PHLDB1: variants seen among roughly 807,000 people sequenced by gnomAD.
The protein encoded by PHLDB1 is pleckstrin homology-like domain family B member 1.
PHLDB1 carries 65 observed loss-of-function variants against 139.3 expected under a neutral mutation model. The ratio of observed to expected loss-of-function variants is 0.47; its 90% CI spans 0.38 to 0.57. The LOEUF (loss-of-function observed/expected upper bound fraction) is 0.57. Among genes scored for constraint, PHLDB1 ranks in the 20% least tolerant of loss-of-function variants. The pLI is 0.00. For synonymous variants in PHLDB1, 679 were observed against 734.5 expected (o/e 0.92, Z 1.22); for missense variants, 1,624 against 1,839.7 (o/e 0.88, Z 2.14).
At chr11:118,617,535 G>A (rs1220831188) in intron 4 of PHLDB1, among the ~76,000 whole-genome samples, 3 of 151,842 alleles carry the variant, frequency 2.0e-5, no homozygotes, top group South Asian at 2.1e-4. Context: ...GCATGATCTC[G>A]GCTCACTACA....
chr11:118,649,324 C>G (rs1948025040), intron 18 of PHLDB1, among the ~76,000 whole-genome samples: 1 of 151,952 alleles, frequency 6.6e-6, no homozygotes, highest in Non-Finnish European at 1.5e-5. Context: ...AATTTTACCC[C>G]CGTGGTTGGA....
In PHLDB1 at chr11:118,628,133, C is replaced by G; in HGVS notation, c.1310C>G (p.Thr437Ser). 6.2e-7 allele frequency: 1 copy of G among 1,614,094 alleles called. No individual in the cohort carries two copies. The highest frequency in any genetic ancestry group is 8.5e-7 in the Non-Finnish European group (1 of 1,180,006). ...TTTTCAGATGGGTTAGCCACCCGTA[C>G]CCTGCAGCCTCCTGAGAGTCCCCGC... The part of the protein sequence containing the change: ...RTFSDGLATR[T>S]LQPPESPRLG... Residue 437 changes from threonine (T) to serine (S), a missense_variant, in exon 6 of 23, where the codon ACC becomes AGC. By Grantham distance (58) the Thr-to-Ser change is moderately conservative. Transcript: ENST00000600882.
chr11:118,631,432 GA>G lies in PHLDB1; in HGVS notation c.2057del (p.Asn686IlefsTer29). On this transcript the variant is annotated frameshift_variant, in exon 7 of 23. Coordinates refer to ENST00000600882, the MANE Select transcript of PHLDB1 (RefSeq NM_001144758.3). LOFTEE classifies it high-confidence loss of function. Reference protein sequence around the residue: ...LWESMERSDEENLKEECSSTE... With the variant: ...LWESMERSDEXNLKEECSSTE... ...GGAGAGTATGGAGCGCTCAGATGAG[GA>G]AAATCTCAAGGAGGAGTGCAGCAGC... The G allele has an allele frequency of 1.4e-6, 2 of 1,448,310 alleles. No individual in the cohort carries two copies. Among genetic ancestry groups the G allele is most frequent in the Non-Finnish European group, 1.8e-6 (2 of 1,100,124 alleles). 89.7% of individuals were successfully genotyped at this position (1,448,310 alleles called of 1,614,324 possible).
rs932448446 is a variant in PHLDB1 at position 118,611,163 on chromosome 11, C to T, written c.-21-2653C>T. On this transcript the variant is annotated intron_variant, in intron 1 of 22. Coordinates refer to ENST00000600882, the MANE Select transcript of PHLDB1 (RefSeq NM_001144758.3). The surrounding 1 kb of genome is among the most constrained non-coding windows in gnomAD (Gnocchi z 4.7). ...AGGTGAGGGCGCCCCCAGGTGGCCG[C>T]TCTCGGCCGCGGCGATCGCCCTTTG... 6.6e-6 allele frequency among the ~76,000 whole-genome samples: 1 copy of T among 152,228 alleles called. No homozygotes were observed. Among genetic ancestry groups the T allele is most frequent in the African/African-American group, 2.4e-5 (1 of 41,468 alleles).
intron 17 of PHLDB1, chr11:118,647,161 A>G (rs1213394393): frequency 1.3e-5 from 2 of 152,170 alleles, no homozygotes; most frequent in Admixed American, 6.5e-5. Flanking sequence ...TCAATAGCAA[A>G]TGTTTCTAAT....
chr11:118,627,736 G>A lies in PHLDB1; in HGVS notation c.913G>A (p.Gly305Ser). The stretch of plus-strand genomic sequence containing the variant: ...ACAGCCCCCACAGTCCCGCCCAAGT[G>A]GTGCTCGCTCCGAGAGTCCTCGGCT... ...ALQPPQSRPS[G>S]ARSESPRLSR... The change falls in exon 6 of 23, where the codon GGT becomes AGT. Residue 305 changes from glycine to serine, a missense_variant. Gly to Ser is a moderately conservative substitution (Grantham distance 56, BLOSUM62 0). Coordinates refer to ENST00000600882, the MANE Select transcript of PHLDB1 (RefSeq NM_001144758.3). 1 of 1,609,400 alleles carries A rather than the reference G, an allele frequency of 6.2e-7. No individual in the cohort carries two copies. Among genetic ancestry groups the A allele is most frequent in the East Asian group, 2.2e-5 (1 of 44,888 alleles).
At chr11:118,642,742 G>T (rs1565476912) in intron 13 of PHLDB1, among the ~76,000 whole-genome samples, 1 of 152,238 alleles carries the variant, frequency 6.6e-6, no homozygotes, top group Non-Finnish European at 1.5e-5. Context: ...TTCTCACCCA[G>T]TCTGGGGGCC....
intron 6 of PHLDB1, chr11:118,630,103 C>G: frequency 8.1e-7 from 1 of 1,235,930 alleles, no homozygotes; most frequent in Non-Finnish European, 1.1e-6. Flanking sequence ...GAGAACACCT[C>G]TCCAGCCTTC....
chr11:118,647,272 C>CAA (rs1947669637), intron 17 of PHLDB1: 1 of 152,224 alleles, frequency 6.6e-6, no homozygotes, highest in Non-Finnish European at 1.5e-5. Context: ...GATTCAGATA[C>CAA]AATTGTAAGA....
intron 20 of PHLDB1, chr11:118,652,314 A>T (rs1305039852): frequency 1.3e-5 from 2 of 152,182 alleles, no homozygotes; most frequent in Non-Finnish European, 2.9e-5. Context: ...AGGTAGAGGG[A>T]CTAGGGACTT....
At position 118,631,357 on chromosome 11, in the gene PHLDB1, G is replaced by A; in HGVS notation, c.1978G>A (p.Ala660Thr). Reference sequence around the variant, plus strand: ...GAGGCCCTCACGAGGCCTTGCAGGGGCCTCTGGGCGGAGCAGCGAGGAGCC... The same window carrying A: ...GAGGCCCTCACGAGGCCTTGCAGGGACCTCTGGGCGGAGCAGCGAGGAGCC... Reference protein sequence around the residue: ...GRRPSRGLAGASGRSSEEPGV... With the variant: ...GRRPSRGLAGTSGRSSEEPGV... The change falls in exon 7 of 23, where the codon GCC (alanine) becomes ACC (threonine). Residue 660 changes from alanine to threonine, a missense_variant. Physicochemically the swap from Ala to Thr is moderately conservative, Grantham distance 58. Transcript: ENST00000600882. The A allele has an allele frequency of 6.5e-7, 1 of 1,532,010 alleles. No individual in the cohort carries two copies. Among genetic ancestry groups the A allele is most frequent in the South Asian group, 1.3e-5 (1 of 79,932 alleles). 94.9% of individuals were successfully genotyped at this position (1,532,010 alleles called of 1,614,324 possible). A position where few individuals can be genotyped will look rare whatever the true frequency, so the allele number is the denominator to read the frequency against.
chr11:118,650,700 T>C lies in PHLDB1; in HGVS notation c.3874+153T>C, dbSNP rs1288041360. 1 of 614,650 alleles carries C rather than the reference T, an allele frequency of 1.6e-6. No individual in the cohort carries two copies. Among genetic ancestry groups the C allele is most frequent in the Non-Finnish European group, 2.9e-6 (1 of 344,188 alleles). 38.1% of individuals were successfully genotyped at this position (614,650 alleles called of 1,614,324 possible). ...CCTCCTTCCCTGAAAATGTACACAA[T>C]GTACCTGGTTCACCTCCATTTTTGT... On this transcript the variant is annotated intron_variant, in intron 20 of 22. Coordinates refer to ENST00000600882, the MANE Select transcript of PHLDB1 (RefSeq NM_001144758.3). This position sits in a 1 kb window ranked among gnomAD's most constrained non-coding sequence, Gnocchi z 4.7.
chr11:118,623,029 G>T (rs2136000280), intron 4 of PHLDB1, among the ~76,000 whole-genome samples: 1 of 152,296 alleles, frequency 6.6e-6, no homozygotes, highest in African/African-American at 2.4e-5. Context: ...CCCAAGCAAT[G>T]CCCAGGATCC....
At chr11:118,621,360 C>G (rs1555094684) in intron 4 of PHLDB1, 2 of 152,312 alleles carry the variant, frequency 1.3e-5, no homozygotes, top group Non-Finnish European at 2.9e-5. Flanking sequence ...TCCCCCGCCG[C>G]TGGTGGCCGG....
chr11:118,622,885 G>A (rs1943101006), intron 4 of PHLDB1, among the ~76,000 whole-genome samples: 1 of 152,152 alleles, frequency 6.6e-6, no homozygotes, highest in Admixed American at 6.5e-5. Flanking sequence ...ACTTGGCAGG[G>A]AAGGCTCCCT....
chr11:118,624,111 G>C (rs1555098224), intron 4 of PHLDB1: 2 of 152,182 alleles, frequency 1.3e-5, no homozygotes, highest in African/African-American at 2.4e-5. Flanking sequence ...TGTTGGCCAG[G>C]CTGGTCTCGA....
chr11:118,656,688 G>A lies in PHLDB1; in HGVS notation c.3999G>A (p.Pro1333=), dbSNP rs782734266. 3.7e-6 allele frequency: 6 copies of A among 1,613,550 alleles called. No individual in the cohort carries two copies. Among genetic ancestry groups the A allele is most frequent in the South Asian group, 3.3e-5 (3 of 91,046 alleles). The change falls in exon 23 of 23, where the codon CCG becomes CCA. Residue 1333 remains proline (P), a synonymous_variant. Transcript: ENST00000600882. ...TTCCTCTCTTCCTTTGGCAGAGCCC[G>A]AACCCAGCCCTCACCTTCTGCGTAA... ...FFRFTMVTES[P]NPALTFCVKT...
At chr11:118,640,730 G>C (rs1444756236) in intron 12 of PHLDB1, 1 of 152,570 alleles carries the variant, frequency 6.6e-6, no homozygotes, top group African/African-American at 2.4e-5. Context: ...AGGTTGTTGG[G>C]GACGGGGAGG....
Position 118,642,334 on chromosome 11 carries a change from T to C in PHLDB1, c.2817T>C (p.Ala939=). The change falls in exon 13 of 23, where the codon GCT becomes GCC. Residue 939 remains alanine, a synonymous_variant. Coordinates refer to ENST00000600882, the MANE Select transcript of PHLDB1 (RefSeq NM_001144758.3). The stretch of plus-strand genomic sequence containing the variant: ...TGGCCGGGCTGGGGACTGGCCCCGC[T>C]GCAGCCTCCCCTCACTCTTCTCCCC... The part of the protein sequence containing the change: ...ELMAGLGTGP[A]AASPHSSPPP... 1 of 1,612,156 alleles carries C rather than the reference T, an allele frequency of 6.2e-7. No individual in the cohort carries two copies. The highest frequency in any genetic ancestry group is 1.1e-5 in the South Asian group (1 of 91,080).
Sources: gnomAD v4.1 joint callset for allele counts (sites outside exome capture counted in the v4.1 genomes callset) on GRCh38, gnomAD v4.1.1 for gene constraint, Gnocchi (gnomAD v3.1) non-coding constraint, MANE v1.5 for transcripts, NCBI Gene and HGNC (gene_info 2026-07-23, HGNC 2026-07-21) for gene names.